The following CEP128 variants were observed in gnomAD, a reference collection of about 807,000 sequenced individuals.
CEP128 encodes the protein centrosomal protein 128.
CEP128 carries 132 observed loss-of-function variants against 156.7 expected under a neutral mutation model. The ratio of observed to expected loss-of-function variants is 0.84; its 90% CI spans 0.73 to 0.97. The LOEUF (loss-of-function observed/expected upper bound fraction) is 0.97, where lower values mean the gene tolerates loss of function less well. CEP128 is among the 50% of genes least tolerant of loss of function. CEP128 has a pLI of 0.00. For missense variants in CEP128, 1,252 were observed against 1,281.9 expected (o/e 0.98, Z 0.36); for synonymous variants, 469 against 448.9 (o/e 1.04, Z -0.57).
intron 13 of CEP128, among the ~76,000 whole-genome samples, chr14:80,803,926 T>G (rs546934277): frequency 6.6e-6 from 1 of 152,262 alleles, no homozygotes; most frequent in South Asian, 2.1e-4. Flanking sequence ...TTATTAATGT[T>G]TATACTAGCT....
chr14:80,805,502 A>G (rs1210321404), intron 13 of CEP128, among the ~76,000 whole-genome samples: 1 of 152,150 alleles, frequency 6.6e-6, no homozygotes, highest in Admixed American at 6.5e-5. Context: ...TATTTCCAGT[A>G]CTAACCCCTA....
chr14:80,712,412 A>C (rs1203110237), intron 19 of CEP128, among the ~76,000 whole-genome samples: 1 of 152,126 alleles, frequency 6.6e-6, no homozygotes, highest in Non-Finnish European at 1.5e-5. Context: ...AACACTGTAC[A>C]CATCCAACCC....
At chr14:80,674,746 T>C (rs1422792693) in intron 19 of CEP128, among the ~76,000 whole-genome samples, 3 of 152,160 alleles carry the variant, frequency 2.0e-5, no homozygotes, top group Admixed American at 6.5e-5. Flanking sequence ...ATTTACACCA[T>C]ATATACCGCC....
chr14:80,955,573 C>G, intron 2 of CEP128: 1 of 1,391,988 alleles, frequency 7.2e-7, no homozygotes, highest in East Asian at 2.3e-5. Flanking sequence ...CTCCCTCTTC[C>G]CACCCCTCCC....
chr14:80,674,544 T>G (rs1463600429), intron 19 of CEP128, among the ~76,000 whole-genome samples: 1 of 152,080 alleles, frequency 6.6e-6, no homozygotes, highest in Non-Finnish European at 1.5e-5. Flanking sequence ...TTAATTTTCT[T>G]CTCCTTATAA....
Position 80,743,090 on chromosome 14 carries a change from G to T in CEP128, c.2791C>A (p.His931Asn), listed in dbSNP as rs1387752922. Residue 931 changes from histidine (H) to asparagine (N), a missense_variant, in exon 19 of 25, where the codon CAT (histidine) becomes AAT (asparagine). His to Asn is a moderately conservative substitution (Grantham distance 68). Coordinates refer to ENST00000555265, the MANE Select transcript of CEP128 (RefSeq NM_152446.5). ...ERQEQLLDEI[H>N]REKRDLLEET... ...TAACACACACCTCTCTTCTCACGAT[G>T]TATTTCATCCAGAAGCTGCTCCTGC... The T allele has an allele frequency of 6.2e-7, 1 of 1,613,238 alleles. No homozygotes were observed. The highest frequency in any genetic ancestry group is 1.1e-5 in the South Asian group (1 of 91,066).
At chr14:80,557,923 C>A (rs1218620176) in intron 21 of CEP128, among the ~76,000 whole-genome samples, 2 of 151,938 alleles carry the variant, frequency 1.3e-5, no homozygotes, top group Admixed American at 6.6e-5. Flanking sequence ...GTAAAATATG[C>A]ACATTTAATA....
intron 13 of CEP128, chr14:80,830,317 C>A: frequency 1.9e-6 from 1 of 518,396 alleles, no homozygotes; most frequent in Non-Finnish European, 3.5e-6. Flanking sequence ...AGATGAGTAA[C>A]ATTAAATATT....
intron 6 of CEP128, among the ~76,000 whole-genome samples, chr14:80,901,011 C>A (rs895668124): frequency 3.0e-4 from 46 of 151,784 alleles, no homozygotes; most frequent in African/African-American, 1.1e-3. Context: ...TCGAGACCAT[C>A]CTGGCTAACA....
intron 13 of CEP128, among the ~76,000 whole-genome samples, chr14:80,812,295 AGTCCACTGTT>A (rs1884602631): frequency 6.6e-6 from 1 of 152,198 alleles, no homozygotes; most frequent in African/African-American, 2.4e-5. Context: ...TTATTTATCC[AGTCCACTGTT>A]GATGGGGATG....
At chr14:80,730,211 G>C (rs563755122) in intron 19 of CEP128, among the ~76,000 whole-genome samples, 6 of 152,136 alleles carry the variant, frequency 3.9e-5, no homozygotes, top group African/African-American at 1.4e-4. Flanking sequence ...ACTATATAGA[G>C]GTCTCCCCTT....
intron 19 of CEP128, among the ~76,000 whole-genome samples, chr14:80,705,619 T>C (rs1263890166): frequency 1.3e-5 from 2 of 152,068 alleles, no homozygotes; most frequent in African/African-American, 2.4e-5. Flanking sequence ...TTGTAACCAA[T>C]AGAATGCAAG....
intron 13 of CEP128, among the ~76,000 whole-genome samples, chr14:80,795,671 A>G (rs1340572581): frequency 6.6e-6 from 1 of 152,168 alleles, no homozygotes; most frequent in Non-Finnish European, 1.5e-5. Context: ...CACAAGGGCC[A>G]TTATGACAAA....
chr14:80,649,764 C>T (rs2140842479), intron 19 of CEP128, among the ~76,000 whole-genome samples: 1 of 152,192 alleles, frequency 6.6e-6, no homozygotes, highest in Non-Finnish European at 1.5e-5. Context: ...TGTTCTGGTC[C>T]ATTGATCTAT....
chr14:80,663,186 G>A (rs1895470775), intron 19 of CEP128, among the ~76,000 whole-genome samples: 1 of 152,160 alleles, frequency 6.6e-6, no homozygotes, highest in East Asian at 1.9e-4. Flanking sequence ...CCTCATGTCA[G>A]AGGCAAAGAA....
intron 19 of CEP128, among the ~76,000 whole-genome samples, chr14:80,646,076 A>G (rs1337657243): frequency 6.6e-6 from 1 of 152,174 alleles, no homozygotes; most frequent in East Asian, 1.9e-4. Context: ...GGTAGAGCTC[A>G]CAGGATTTTT....
At chr14:80,540,546 C>T (rs566894570) in intron 21 of CEP128, among the ~76,000 whole-genome samples, 2 of 152,126 alleles carry the variant, frequency 1.3e-5, no homozygotes, top group African/African-American at 2.4e-5. Context: ...GGTTTTAGAG[C>T]CTTTTTGGCC....
intron 19 of CEP128, among the ~76,000 whole-genome samples, chr14:80,599,925 G>A (rs1320306548): frequency 1.3e-5 from 2 of 152,198 alleles, no homozygotes; most frequent in African/African-American, 2.4e-5. Flanking sequence ...GCAGATTTGA[G>A]CAGGCAGAAG....
At chr14:80,872,704 T>C (rs1251605349) in intron 8 of CEP128, among the ~76,000 whole-genome samples, 1 of 152,210 alleles carries the variant, frequency 6.6e-6, no homozygotes, top group African/African-American at 2.4e-5. Flanking sequence ...ACAGCTGCAG[T>C]CTCTGAGAAG....
Sources: gnomAD v4.1 joint callset for allele counts (sites outside exome capture counted in the v4.1 genomes callset) on GRCh38, gnomAD v4.1.1 for gene constraint, MANE v1.5 for transcripts, NCBI Gene and HGNC (gene_info 2026-07-23, HGNC 2026-07-21) for gene names.